Variants in CES1 observed in about 807,000 individuals in gnomAD.
CES1 encodes the protein liver carboxylesterase 1.
Under a neutral mutation model 53.0 loss-of-function variants are expected in CES1, and 50 were observed. The ratio of observed to expected loss-of-function variants is 0.94; its 90% CI spans 0.75 to 1.19. CES1 has a LOEUF of 1.19. Among genes scored for constraint, CES1 ranks in the 50% most tolerant of loss-of-function variants. CES1 has a pLI of 0.00. For synonymous variants in CES1, 202 were observed against 210.1 expected, an observed-to-expected ratio of 0.96 and a Z score of 0.33; for missense variants, 534 against 538.0, an observed-to-expected ratio of 0.99 and a Z score of 0.07.
At chr16:55,822,208 G>T (rs1485887781) in intron 4 of CES1, among the ~76,000 whole-genome samples, 4 of 152,232 alleles carry the variant, frequency 2.6e-5, no homozygotes, top group African/African-American at 9.6e-5. Flanking sequence ...TTGTGCAGAG[G>T]CATCGCATGA....
rs1429933196 is a variant in CES1, at chr16:55,816,086, C to A, written c.945+838G>T. Among the ~76,000 whole-genome samples, 9 of 152,404 alleles carry A rather than the reference C, an allele frequency of 5.9e-5. No individual in the cohort carries two copies. In the East Asian group the frequency reaches 1.7e-3, roughly 29 times the overall value. ...CCTCCTCCAGAGCTTGGCTCAAATG[C>A]CACCTTCTCATTGAACCATTCCCTG... On this transcript the variant is annotated intron_variant, in intron 8 of 13. Transcript: ENST00000360526.
chr16:55,828,684 G>C (rs557553023), intron 2 of CES1, 83 bp downstream of exon 2: 2 of 1,479,420 alleles, frequency 1.4e-6, no homozygotes, highest in South Asian at 1.1e-5. Flanking sequence ...CAGAGCAAAG[G>C]ATCAGCCCGT....
chr16:55,816,450 TG>T (rs1288836089), intron 8 of CES1, among the ~76,000 whole-genome samples: 9 of 152,156 alleles, frequency 5.9e-5, no homozygotes, highest in African/African-American at 2.2e-4. Flanking sequence ...GTCAACCCAC[TG>T]GGAGGTGGGG....
chr16:55,810,892 G>T (rs1181219174), intron 10 of CES1, 35 bp downstream of exon 10: 2 of 1,579,540 alleles, frequency 1.3e-6, no homozygotes, highest in Non-Finnish European at 1.7e-6. Flanking sequence ...CCCTCTCTGG[G>T]TCTCAGCCAA....
At chr16:55,811,297 T>C (rs1407090635) in intron 9 of CES1, among the ~76,000 whole-genome samples, 1 of 151,760 alleles carries the variant, frequency 6.6e-6, no homozygotes, top group Non-Finnish European at 1.5e-5. Flanking sequence ...TGTGTGTGTG[T>C]CTGTGGCTGG....
intron 7 of CES1, among the ~76,000 whole-genome samples, chr16:55,818,109 T>C (rs1228424650): frequency 1.3e-5 from 2 of 152,194 alleles, no homozygotes; most frequent in African/African-American, 4.8e-5. Context: ...AGCCCTGGGA[T>C]CCAGGAGTAG....
intron 1 of CES1, among the ~76,000 whole-genome samples, chr16:55,831,885 A>C (rs1366748987): frequency 1.3e-5 from 2 of 150,860 alleles, no homozygotes; most frequent in Non-Finnish European, 3.0e-5. Flanking sequence ...TCTGTCTATA[A>C]AATGGCATGG....
intron 11 of CES1, among the ~76,000 whole-genome samples, chr16:55,809,059 T>C (rs1414933511): frequency 4.0e-5 from 3 of 75,126 alleles, no homozygotes; most frequent in Non-Finnish European, 7.9e-5. Flanking sequence ...GAGACAACAA[T>C]AAGTGAAAGT....
chr16:55,831,099 G>T (rs1259340684), intron 1 of CES1, among the ~76,000 whole-genome samples: 1 of 150,828 alleles, frequency 6.6e-6, no homozygotes, highest in Non-Finnish European at 1.5e-5. Flanking sequence ...GGACTGTGAG[G>T]GTACATACGG....
chr16:55,832,633 T>C (rs2032728287), intron 1 of CES1, among the ~76,000 whole-genome samples: 1 of 152,202 alleles, frequency 6.6e-6, no homozygotes, highest in African/African-American at 2.4e-5. Flanking sequence ...CCACGCACTC[T>C]GGCTCCAGAG....
At chr16:55,810,848 A>G (rs2031657605) in intron 10 of CES1, 79 bp downstream of exon 10, 2 of 1,444,374 alleles carry the variant, frequency 1.4e-6, no homozygotes, top group South Asian at 2.3e-5. Flanking sequence ...TCATTCTGCC[A>G]TTTAATTGCT....
chr16:55,823,599 C>T lies in CES1; in HGVS notation c.490G>A (p.Val164Met), dbSNP rs372957576. Residue 164 changes from valine (V) to methionine (M), a missense_variant, in exon 4 of 14, where the codon GTG becomes ATG. By Grantham distance (21) the Val-to-Met change is conservative. Around this residue, in one of 5 missense-constraint regions of CES1, gnomAD observed 4 missense variants for 50.0 expected, o/e 0.08. Transcript: ENST00000360526. ...DGLALAAHEN[V>M]VVVTIQYRLG... The stretch of plus-strand genomic sequence containing the variant: ...CGATATTGAATGGTCACCACCACCA[C>T]GTTTTCATGGGCAGCAAGGGCCAGC... The T allele has an allele frequency of 3.2e-5, 52 of 1,613,994 alleles. No homozygotes were observed. The highest frequency in any genetic ancestry group is 1.7e-4 in the Middle Eastern group (1 of 6,056).
chr16:55,817,997 C>T (rs1474856962), intron 7 of CES1, among the ~76,000 whole-genome samples: 6 of 152,160 alleles, frequency 3.9e-5, no homozygotes, highest in Non-Finnish European at 4.4e-5. Context: ...GTTTTCATTC[C>T]TTGAACACTT....
At chr16:55,815,832 G>C (rs2031917923) in intron 8 of CES1, among the ~76,000 whole-genome samples, 1 of 152,200 alleles carries the variant, frequency 6.6e-6, no homozygotes, top group Non-Finnish European at 1.5e-5. Context: ...AAGATCATGT[G>C]ACTCCTCTGT....
intron 11 of CES1, among the ~76,000 whole-genome samples, chr16:55,810,233 T>C (rs1453844249): frequency 6.6e-6 from 1 of 152,126 alleles, no homozygotes; most frequent in Non-Finnish European, 1.5e-5. Flanking sequence ...ACAACGCATC[T>C]TGGATTGGAT....
In CES1 at chr16:55,820,422, C is replaced by T. The variant is rs756571951; in HGVS notation, c.751G>A (p.Ala251Thr). Residue 251 changes from alanine to threonine, a missense_variant, in exon 6 of 14, where the codon GCC becomes ACC. By Grantham distance (58) the Ala-to-Thr change is moderately conservative. Around this residue, in one of 5 missense-constraint regions of CES1, gnomAD observed 12 missense variants for 37.2 expected, o/e 0.32. Coordinates refer to ENST00000360526, the MANE Select transcript of CES1 (RefSeq NM_001025195.2). ...TTCTTCACCAGAACAGAAGTGAGGG[C>T]CACGCCACTCTCAGAAATGGCCCGG... ...FHRAISESGV[A>T]LTSVLVKKGD... The T allele has an allele frequency of 1.1e-5, 17 of 1,602,634 alleles. No individual in the cohort carries two copies. The South Asian group carries it at 1.6e-4, about 15-fold the overall frequency.
At chr16:55,831,091 A>G (rs1293192230) in intron 1 of CES1, among the ~76,000 whole-genome samples, 2 of 152,142 alleles carry the variant, frequency 1.3e-5, no homozygotes, top group African/African-American at 4.8e-5. Context: ...CTTCTCCTGG[A>G]CTGTGAGGGT....
At chr16:55,811,047 T>C (rs148530633) in intron 9 of CES1, 37 bp from the exon 10 acceptor site, 23 of 1,517,778 alleles carry the variant, frequency 1.5e-5, no homozygotes, top group African/African-American at 1.5e-4. Flanking sequence ...TATGAATCAT[T>C]GGGAATTAAT....
intron 4 of CES1, 116 bp downstream of exon 4, chr16:55,823,434 G>C: frequency 8.3e-7 from 1 of 1,210,798 alleles, no homozygotes; most frequent in South Asian, 1.3e-5. Context: ...GAAGGGGCTT[G>C]GATGCCTTAC....
Sources: allele counts gnomAD v4.1 joint callset (sites outside exome capture counted in the v4.1 genomes callset), GRCh38; gene constraint gnomAD v4.1.1; regional missense constraint gnomAD v4.1.1; transcripts MANE v1.5; gene names NCBI Gene and HGNC (gene_info 2026-07-23, HGNC 2026-07-21).